Variants in TUSC3 observed in about 807,000 individuals in gnomAD.
TUSC3 encodes tumor suppressor candidate 3, also known as dolichyl-diphosphooligosaccharide--protein glycosyltransferase subunit TUSC3.
A neutral mutation model predicts 44.8 loss-of-function variants in TUSC3; 45 were observed. The observed-to-expected ratio is 1.00, with a 90% CI of 0.79 to 1.29. The LOEUF (loss-of-function observed/expected upper bound fraction) is 1.29, where lower values mean the gene tolerates loss of function less well. Ranked by LOEUF, TUSC3 falls within the 50% of genes most tolerant of loss-of-function variation. The pLI, the probability that TUSC3 is intolerant of heterozygous loss-of-function variation, is 0.00. For missense variants in TUSC3, 519 were observed against 437.9 expected (o/e 1.19, Z -1.65); for synonymous variants, 212 against 152.9 (o/e 1.39, Z -2.85).
In TUSC3 at chr8:15,605,711, TA is replaced by T. The variant is rs1275028273; in HGVS notation, c.139-17364del. 2.0e-5 allele frequency among the ~76,000 whole-genome samples: 3 copies of T among 151,942 alleles called. No homozygotes were observed. The East Asian group carries it at 5.8e-4, about 29-fold the overall frequency. ...CCATAAGATATACACAAATCTATTA[TA>T]AAAAGGTCAAAACTTGTTAAAACTT... On this transcript the variant is annotated intron_variant, in intron 1 of 10. Coordinates refer to ENST00000503731, the MANE Select transcript of TUSC3 (RefSeq NM_006765.4).
chr8:15,758,334 TA>T, intron 10 of TUSC3: 1 of 718,030 alleles, frequency 1.4e-6, no homozygotes, highest in South Asian at 6.3e-5. Flanking sequence ...CAGAAACAGA[TA>T]GTAGGTACTT....
At chr8:15,537,042 C>T (rs1164187914), upstream of TUSC3, among the ~76,000 whole-genome samples, 3 of 152,258 alleles carry the variant, frequency 2.0e-5, no homozygotes, top group East Asian at 5.8e-4. Flanking sequence ...ATCCCCTTTC[C>T]CCTTTGTTTT....
Position 15,766,344 on chromosome 8 carries a change from A to G in TUSC3, c.*2188A>G, listed in dbSNP as rs1008559309. 2 of 152,122 alleles carry G rather than the reference A, an allele frequency of 1.3e-5. No individual in the cohort carries two copies. The highest frequency in any genetic ancestry group is 2.9e-5 in the Non-Finnish European group (2 of 67,994). 9.4% of individuals were successfully genotyped at this position (152,122 alleles called of 1,614,324 possible). A position where few individuals can be genotyped will look rare whatever the true frequency, so the allele number is the denominator to read the frequency against. ...GTTTGCTTGCAGAATGTAACGTGCAAAATCACATACATGCGATGTATTTAC... is the reference window on the plus strand; with the variant it reads ...GTTTGCTTGCAGAATGTAACGTGCAGAATCACATACATGCGATGTATTTAC... On this transcript the variant is annotated 3_prime_UTR_variant, in exon 11 of 11. Transcript: ENST00000503731.
intron 2 of TUSC3, among the ~76,000 whole-genome samples, chr8:15,532,254 A>G (rs1318552901): frequency 1.3e-5 from 2 of 152,198 alleles, no homozygotes; most frequent in Non-Finnish European, 2.9e-5. Flanking sequence ...AGATCAAAAA[A>G]TTCATTTTCT....
chr8:15,479,347 A>C (rs560549927), intron 1 of TUSC3, among the ~76,000 whole-genome samples: 19 of 152,146 alleles, frequency 1.2e-4, no homozygotes, highest in African/African-American at 4.3e-4. Flanking sequence ...TTTTGTCATG[A>C]TATTTTTGCC....
intron 1 of TUSC3, among the ~76,000 whole-genome samples, chr8:15,456,798 AAACTC>A (rs755912191): frequency 6.6e-6 from 1 of 152,128 alleles, no homozygotes; most frequent in East Asian, 1.9e-4. Flanking sequence ...AGGAGGAAAA[AAACTC>A]AACGACAACT....
the TUSC3 span, among the ~76,000 whole-genome samples, chr8:15,782,005 G>C: frequency 6.6e-6 from 1 of 152,140 alleles, no homozygotes; most frequent in Non-Finnish European, 1.5e-5. Flanking sequence ...GTGGTGGCAG[G>C]TGCCTATAAA....
At chr8:15,444,391 A>C (rs1055794197) in intron 1 of TUSC3, among the ~76,000 whole-genome samples, 3 of 152,212 alleles carry the variant, frequency 2.0e-5, no homozygotes, top group Non-Finnish European at 4.4e-5. Flanking sequence ...GGGAATTTAT[A>C]GCCAAGGAGT....
chr8:15,542,711 C>A (rs768047794), intron 1 of TUSC3, among the ~76,000 whole-genome samples: 1 of 152,008 alleles, frequency 6.6e-6, no homozygotes, highest in Non-Finnish European at 1.5e-5. Flanking sequence ...AAAATTTTTT[C>A]TCGAAATATA....
At chr8:15,421,270 T>A (rs1799734983) in intron 1 of TUSC3, among the ~76,000 whole-genome samples, 1 of 152,176 alleles carries the variant, frequency 6.6e-6, no homozygotes, top group Non-Finnish European at 1.5e-5. Flanking sequence ...CTCCTCACCA[T>A]GGCCTACCAG....
chr8:15,749,158 C>A (rs1811581333), intron 9 of TUSC3, among the ~76,000 whole-genome samples: 1 of 151,956 alleles, frequency 6.6e-6, no homozygotes, highest in Non-Finnish European at 1.5e-5. Flanking sequence ...AGGAGTCCTT[C>A]TTTTAGGTTA....
At chr8:15,653,345 T>C (rs1300875763) in intron 3 of TUSC3, among the ~76,000 whole-genome samples, 2 of 152,242 alleles carry the variant, frequency 1.3e-5, no homozygotes, top group African/African-American at 2.4e-5. Flanking sequence ...AATTTCTCTC[T>C]TTAAAATGTT....
At chr8:15,541,741 A>G (rs1164363398) in intron 1 of TUSC3, among the ~76,000 whole-genome samples, 3 of 152,018 alleles carry the variant, frequency 2.0e-5, no homozygotes, top group Admixed American at 6.6e-5. Flanking sequence ...ACAAATATAA[A>G]TTAATGATTT....
chr8:15,784,435 G>C, the TUSC3 span, among the ~76,000 whole-genome samples: 1 of 152,000 alleles, frequency 6.6e-6, no homozygotes, highest in African/African-American at 2.4e-5. Flanking sequence ...ATTCACAATA[G>C]CCAAGATATG....
intron 8 of TUSC3, among the ~76,000 whole-genome samples, chr8:15,744,690 G>T (rs1248960932): frequency 1.6e-5 from 2 of 127,390 alleles, no homozygotes; most frequent in African/African-American, 2.9e-5. Flanking sequence ...TTGTATTAAA[G>T]AAACTACAAA....
the TUSC3 span, among the ~76,000 whole-genome samples, chr8:15,824,531 T>C: frequency 6.6e-6 from 1 of 151,326 alleles, no homozygotes; most frequent in South Asian, 2.1e-4. Flanking sequence ...CACTGCATGT[T>C]CTCACTCATA....
intron 2 of TUSC3, among the ~76,000 whole-genome samples, chr8:15,484,811 T>G (rs1800714387): frequency 6.6e-6 from 1 of 152,184 alleles, no homozygotes; most frequent in South Asian, 2.1e-4. Flanking sequence ...TTCATCCAAA[T>G]AGTAAAAATT....
intron 1 of TUSC3, among the ~76,000 whole-genome samples, chr8:15,470,847 G>A (rs1158612675): frequency 6.6e-6 from 1 of 152,126 alleles, no homozygotes; most frequent in Non-Finnish European, 1.5e-5. Flanking sequence ...GTGGGTGTGA[G>A]TGGCTCTGTG....
chr8:15,747,254 A>G (rs1811455193), intron 8 of TUSC3, among the ~76,000 whole-genome samples: 1 of 152,048 alleles, frequency 6.6e-6, no homozygotes, highest in Non-Finnish European at 1.5e-5. Flanking sequence ...AATCATATAG[A>G]TCTGTTTGAT....
Sources: gnomAD v4.1 joint callset for allele counts (sites outside exome capture counted in the v4.1 genomes callset) on GRCh38, gnomAD v4.1.1 for gene constraint, MANE v1.5 for transcripts, NCBI Gene and HGNC (gene_info 2026-07-23, HGNC 2026-07-21) for gene names.